Variants in CDH23 observed in about 807,000 individuals in gnomAD.
CDH23 encodes cadherin related 23.
In CDH23, 189 loss-of-function variants were observed where a neutral mutation model predicts 317.1. The observed-to-expected ratio is 0.60, with a 90% confidence interval of 0.53 to 0.67. CDH23 has a LOEUF of 0.67. Among genes scored for constraint, CDH23 ranks in the 30% least tolerant of loss-of-function variants. CDH23 has a pLI of 0.00. For synonymous variants in CDH23, 1,839 were observed against 1,876.8 expected (o/e 0.98, Z 0.52); for missense variants, 4,401 against 4,592.4 (o/e 0.96, Z 1.20).
intron 6 of CDH23, among the ~76,000 whole-genome samples, chr10:71,515,756 C>G (rs74420529): frequency 3.9e-5 from 6 of 152,204 alleles, no homozygotes; most frequent in Admixed American, 3.9e-4. Context: ...TAGGAAAAGT[C>G]CTTAGCACAG....
intron 33 of CDH23, 123 bp from the exon 34 acceptor site, chr10:71,734,533 A>C: frequency 6.2e-7 from 1 of 1,604,396 alleles, no homozygotes; most frequent in Non-Finnish European, 8.5e-7. Context: ...GACCTCAGGC[A>C]GGTGGAGGGT....
intron 6 of CDH23, among the ~76,000 whole-genome samples, chr10:71,537,466 G>T (rs1855763871): frequency 6.6e-6 from 1 of 152,208 alleles, no homozygotes; most frequent in South Asian, 2.1e-4. Context: ...ATTCATATAA[G>T]ACATTTTTCT....
At chr10:71,797,956 G>A (rs890741350) in intron 49 of CDH23, among the ~76,000 whole-genome samples, 7 of 152,138 alleles carry the variant, frequency 4.6e-5, no homozygotes, top group African/African-American at 1.4e-4. Flanking sequence ...CACATTTTCC[G>A]GAAGGAAGGG....
chr10:71,515,181 C>T (rs558753825), intron 6 of CDH23, among the ~76,000 whole-genome samples: 1 of 152,274 alleles, frequency 6.6e-6, no homozygotes, highest in East Asian at 1.9e-4. Context: ...TCAGAGGTGG[C>T]TGTCCTTGAA....
chr10:71,787,592 C>A (rs1414092153), intron 44 of CDH23, among the ~76,000 whole-genome samples: 1 of 152,156 alleles, frequency 6.6e-6, no homozygotes, highest in Non-Finnish European at 1.5e-5. Context: ...TCTGTATATC[C>A]ATGGTTACAC....
intron 14 of CDH23, among the ~76,000 whole-genome samples, chr10:71,661,187 A>G (rs1863633250): frequency 6.6e-6 from 1 of 152,164 alleles, no homozygotes; most frequent in Non-Finnish European, 1.5e-5. Flanking sequence ...AGCCTGGCGA[A>G]TCTGTAGGGC....
intron 14 of CDH23, among the ~76,000 whole-genome samples, chr10:71,648,828 C>T (rs1863027139): frequency 6.6e-6 from 1 of 152,174 alleles, no homozygotes; most frequent in African/African-American, 2.4e-5. Context: ...ATCCAAGCCT[C>T]ACCCACCCCC....
At chr10:71,773,379 G>C (rs1394050536) in intron 38 of CDH23, 2 of 1,610,162 alleles carry the variant, frequency 1.2e-6, no homozygotes, top group South Asian at 1.1e-5. Flanking sequence ...GCCAGGAAGA[G>C]AGCGAAGAGC....
chr10:71,625,707 G>T (rs1433389369), intron 11 of CDH23, among the ~76,000 whole-genome samples: 1 of 152,190 alleles, frequency 6.6e-6, no homozygotes, highest in Non-Finnish European at 1.5e-5. Context: ...CTCTGCAAAG[G>T]TTGCGTTCCT....
intron 34 of CDH23, among the ~76,000 whole-genome samples, chr10:71,735,495 G>A (rs1487709102): frequency 6.6e-6 from 1 of 152,136 alleles, no homozygotes. Context: ...GCATCCTGTG[G>A]TGATCCCAGG....
intron 13 of CDH23, 123 bp downstream of exon 13, chr10:71,646,103 C>A: frequency 7.6e-7 from 1 of 1,310,392 alleles, no homozygotes; most frequent in Non-Finnish European, 1.0e-6. Flanking sequence ...CCTTGTGGAT[C>A]TGACTCAGAT....
At chr10:71,533,525 C>CCACACACACACACACACACA (rs55659529) in intron 6 of CDH23, among the ~76,000 whole-genome samples, 31 of 130,824 alleles carry the variant, frequency 2.4e-4, no homozygotes, top group East Asian at 2.0e-3. Context: ...TGGCTGGACA[C>CCACACACACACACACACACA]CACACACACA....
chr10:71,449,778 C>G (rs1405277479), intron 3 of CDH23, among the ~76,000 whole-genome samples: 1 of 152,188 alleles, frequency 6.6e-6, no homozygotes, highest in Non-Finnish European at 1.5e-5. Context: ...GTTTTGTATG[C>G]TCTTGCCTGC....
intron 28 of CDH23, among the ~76,000 whole-genome samples, 192 bp from the exon 29 acceptor site, chr10:71,723,853 G>A (rs1866681307): frequency 6.6e-6 from 1 of 152,164 alleles, no homozygotes; most frequent in Non-Finnish European, 1.5e-5. Flanking sequence ...GCCATCAGCG[G>A]TCGGACATCC....
chr10:71,509,933 A>T, intron 3 of CDH23, 149 bp from the exon 4 acceptor site: 1 of 781,440 alleles, frequency 1.3e-6, no homozygotes, highest in Non-Finnish European at 2.1e-6. Context: ...GAGCTCCCAG[A>T]TGCGCCAGGG....
chr10:71,405,693 C>T (rs1483557995), intron 1 of CDH23, among the ~76,000 whole-genome samples: 1 of 152,172 alleles, frequency 6.6e-6, no homozygotes, highest in Non-Finnish European at 1.5e-5. Flanking sequence ...CTGCCTTGGC[C>T]TCCCAAAGTG....
At chr10:71,752,503 C>G (rs1840030010) in intron 38 of CDH23, among the ~76,000 whole-genome samples, 1 of 152,194 alleles carries the variant, frequency 6.6e-6, no homozygotes, top group African/African-American at 2.4e-5. Context: ...CACCAATACA[C>G]AGTCCCCATC....
intron 9 of CDH23, among the ~76,000 whole-genome samples, chr10:71,590,954 G>A (rs750654603): frequency 4.3e-4 from 65 of 150,980 alleles, no homozygotes; most frequent in Non-Finnish European, 8.2e-4. Context: ...TCATGACTCA[G>A]CATGTGGTTG....
chr10:71,541,962 A>C (rs924923694), intron 6 of CDH23, among the ~76,000 whole-genome samples: 3 of 152,230 alleles, frequency 2.0e-5, no homozygotes, highest in African/African-American at 7.2e-5. Context: ...GTTTCAACAA[A>C]GACAGGCAGT....
Sources: gnomAD v4.1 joint callset for allele counts (sites outside exome capture counted in the v4.1 genomes callset) on GRCh38, gnomAD v4.1.1 for gene constraint, MANE v1.5 for transcripts, NCBI Gene and HGNC (gene_info 2026-07-23, HGNC 2026-07-21) for gene names.